TPST1: variants seen among roughly 807,000 people sequenced by gnomAD.
TPST1 encodes protein-tyrosine sulfotransferase 1.
Under a neutral mutation model 34.8 loss-of-function variants are expected in TPST1, and 20 were observed. The ratio of observed to expected loss-of-function variants is 0.57; its 90% CI spans 0.40 to 0.84. The LOEUF (loss-of-function observed/expected upper bound fraction) is 0.84, where lower values mean the gene tolerates loss of function less well. TPST1 is among the 40% of genes least tolerant of loss of function. The pLI is 0.00. For missense variants in TPST1, 353 were observed against 455.5 expected (o/e 0.78, Z 2.05); for synonymous variants, 152 against 159.4 (o/e 0.95, Z 0.35).
At chr7:66,226,429 A>G (rs866259913) in intron 1 of TPST1, among the ~76,000 whole-genome samples, 1 of 152,230 alleles carries the variant, frequency 6.6e-6, no homozygotes, top group South Asian at 2.1e-4. Flanking sequence ...TGAGAGCATT[A>G]TACGTAGATG....
At chr7:66,216,060 G>A (rs1302897545) in intron 1 of TPST1, among the ~76,000 whole-genome samples, 1 of 151,900 alleles carries the variant, frequency 6.6e-6, no homozygotes, top group Non-Finnish European at 1.5e-5. Context: ...CACCGCGCCC[G>A]GCCAATGTCC....
intron 1 of TPST1, among the ~76,000 whole-genome samples, chr7:66,213,919 G>A (rs377688174): frequency 6.6e-6 from 1 of 152,062 alleles, no homozygotes; most frequent in Non-Finnish European, 1.5e-5. Context: ...TTGGATATTA[G>A]GAGTTATAGA....
At chr7:66,267,210 A>G (rs1450224847) in intron 2 of TPST1, among the ~76,000 whole-genome samples, 2 of 152,238 alleles carry the variant, frequency 1.3e-5, no homozygotes, top group Non-Finnish European at 1.5e-5. Flanking sequence ...AGACATAAAC[A>G]TAAAAACAGG....
intron 3 of TPST1, among the ~76,000 whole-genome samples, chr7:66,295,878 T>C (rs1188020711): frequency 6.6e-6 from 1 of 152,176 alleles, no homozygotes; most frequent in Non-Finnish European, 1.5e-5. Context: ...TGACCTCAAG[T>C]GATCTACCTG....
At chr7:66,219,180 G>T (rs558182064) in intron 1 of TPST1, among the ~76,000 whole-genome samples, 5 of 151,404 alleles carry the variant, frequency 3.3e-5, no homozygotes, top group Non-Finnish European at 5.9e-5. Context: ...TTACAGGCAT[G>T]AGCCACTGCA....
At chr7:66,240,257 G>A (rs1256625855) in intron 1 of TPST1, 68 bp from the exon 2 acceptor site, 2 of 798,068 alleles carry the variant, frequency 2.5e-6, no homozygotes, top group Admixed American at 5.9e-5. Context: ...ATGCAGTGGT[G>A]ATAACTGGTG....
At chr7:66,316,567 AGTT>A (rs1445573888) in intron 3 of TPST1, among the ~76,000 whole-genome samples, 1 of 152,192 alleles carries the variant, frequency 6.6e-6, no homozygotes, top group Non-Finnish European at 1.5e-5. Context: ...TTCTCTCTAA[AGTT>A]GTCAAATTTT....
intron 2 of TPST1, among the ~76,000 whole-genome samples, chr7:66,248,097 A>G (rs1223123883): frequency 6.6e-6 from 1 of 152,238 alleles, no homozygotes; most frequent in Non-Finnish European, 1.5e-5. Flanking sequence ...GATGAGTAAC[A>G]ATGTGGTGTT....
At chr7:66,237,687 G>A (rs747060132) in intron 1 of TPST1, among the ~76,000 whole-genome samples, 8 of 152,262 alleles carry the variant, frequency 5.3e-5, no homozygotes, top group East Asian at 3.9e-4. Flanking sequence ...TGAATTTAGA[G>A]TGGTGGGTAA....
At chr7:66,221,687 A>C (rs1789546733) in intron 1 of TPST1, 1 of 152,210 alleles carries the variant, frequency 6.6e-6, no homozygotes, top group East Asian at 1.9e-4. Context: ...CTGTAAATTA[A>C]TCTTTGGTCA....
chr7:66,238,225 C>T (rs1338490766), intron 1 of TPST1, among the ~76,000 whole-genome samples: 2 of 152,058 alleles, frequency 1.3e-5, no homozygotes, highest in Non-Finnish European at 2.9e-5. Context: ...TTCAGACCTC[C>T]AATAAACTTG....
intron 4 of TPST1, chr7:66,352,957 C>A (rs1449898838): frequency 1.0e-6 from 1 of 985,300 alleles, no homozygotes; most frequent in Non-Finnish European, 1.2e-6. Flanking sequence ...TGACTTTTCT[C>A]ATTTGGAGCC....
intron 2 of TPST1, among the ~76,000 whole-genome samples, chr7:66,242,992 T>C (rs1466685212): frequency 6.6e-6 from 1 of 152,232 alleles, no homozygotes; most frequent in Non-Finnish European, 1.5e-5. Context: ...GAACCTACCA[T>C]GCTTATTCCA....
chr7:66,342,956 C>G (rs1792269471), intron 3 of TPST1, among the ~76,000 whole-genome samples: 1 of 152,110 alleles, frequency 6.6e-6, no homozygotes, highest in Non-Finnish European at 1.5e-5. Flanking sequence ...GGGAAACACC[C>G]AACTGCAGCC....
intron 3 of TPST1, among the ~76,000 whole-genome samples, chr7:66,313,259 C>CA (rs1330954856): frequency 2.6e-5 from 4 of 151,742 alleles, no homozygotes; most frequent in Non-Finnish European, 5.9e-5. Context: ...ACTGAAAATA[C>CA]AAAAAATTAG....
chr7:66,203,214 C>T (rs1366231205), upstream of TPST1, among the ~76,000 whole-genome samples: 1 of 151,886 alleles, frequency 6.6e-6, no homozygotes, highest in Non-Finnish European at 1.5e-5. Context: ...CAAACACACA[C>T]ACACACACAC....
intron 3 of TPST1, among the ~76,000 whole-genome samples, chr7:66,325,109 A>G (rs1238591489): frequency 6.6e-6 from 1 of 152,170 alleles, no homozygotes; most frequent in Non-Finnish European, 1.5e-5. Context: ...GAAACTTAAA[A>G]TCATAGTAGA....
At chr7:66,316,360 G>A (rs921295767) in intron 3 of TPST1, among the ~76,000 whole-genome samples, 4 of 152,164 alleles carry the variant, frequency 2.6e-5, no homozygotes, top group Non-Finnish European at 5.9e-5. Flanking sequence ...GTCAGTTTTT[G>A]TGAATCTTAC....
At position 66,353,114 on chromosome 7, in the gene TPST1, A is replaced by G. The variant is rs947270169; in HGVS notation, c.1095+559A>G. 4.6e-5 allele frequency among the ~76,000 whole-genome samples: 7 copies of G among 152,318 alleles called. No individual in the cohort carries two copies. In the East Asian group the frequency reaches 5.8e-4, roughly 13 times the overall value. ...CAGATCACTTGAAGTCGGGAGTTCAAGACCAGCATGGCCAACATGGTGAAA... is the reference window on the plus strand; with the variant it reads ...CAGATCACTTGAAGTCGGGAGTTCAGGACCAGCATGGCCAACATGGTGAAA... On this transcript the variant is annotated intron_variant, in intron 4 of 5. Coordinates refer to ENST00000304842, the MANE Select transcript of TPST1 (RefSeq NM_003596.4).
Sources: gnomAD v4.1 joint callset for allele counts (sites outside exome capture counted in the v4.1 genomes callset) on GRCh38, gnomAD v4.1.1 for gene constraint, MANE v1.5 for transcripts, NCBI Gene and HGNC (gene_info 2026-07-23, HGNC 2026-07-21) for gene names.